Variants in PIK3CA observed in about 807,000 individuals in gnomAD.
The protein encoded by PIK3CA is phosphatidylinositol 4,5-bisphosphate 3-kinase catalytic subunit alpha isoform.
PIK3CA carries 27 observed loss-of-function variants against 138.2 expected under a neutral mutation model. That is an observed-to-expected ratio of 0.20 (90% confidence interval 0.14 to 0.27). The LOEUF is 0.27. Ranked by LOEUF, PIK3CA falls within the 10% of genes least tolerant of loss-of-function variation. The pLI, the probability that PIK3CA is intolerant of heterozygous loss-of-function variation, is 1.00. For missense variants in PIK3CA, 544 were observed against 1,277.4 expected (o/e 0.43, Z 8.75); for synonymous variants, 358 against 413.2 (o/e 0.87, Z 1.62).
intron 9 of PIK3CA, among the ~76,000 whole-genome samples, chr3:179,217,746 T>C (rs1183303261): frequency 5.9e-5 from 9 of 152,094 alleles, no homozygotes; most frequent in African/African-American, 2.4e-5. Flanking sequence ...GTTTTTACTT[T>C]TTAAATTTGA....
Position 179,236,437 on chromosome 3 carries a change from T to C in PIK3CA, c.*2073T>C, listed in dbSNP as rs138275445. The C allele has an allele frequency of 9.8e-5, 21 of 213,772 alleles. No individual in the cohort carries two copies. Among genetic ancestry groups the C allele is most frequent in the African/African-American group, 4.5e-4 (20 of 44,384 alleles). The allele number at this position is 213,772 out of a possible 1,614,324, so 13.2% of individuals were successfully genotyped here. A position where few individuals can be genotyped will look rare whatever the true frequency, so the allele number is the denominator to read the frequency against. ...TGTTTAGATATAGGCAGTTGATACA[T>C]ACTAACATCCCAGCCTTTTCAATAT... is the stretch of plus-strand genomic sequence containing the variant. On this transcript the variant is annotated 3_prime_UTR_variant, in exon 21 of 21. Transcript: ENST00000263967.
At chr3:179,149,243 A>G (rs1722944136) in intron 1 of PIK3CA, among the ~76,000 whole-genome samples, 1 of 151,998 alleles carries the variant, frequency 6.6e-6, no homozygotes, top group Non-Finnish European at 1.5e-5. Context: ...CATAGACCTG[A>G]GACACTGACT....
intron 1 of PIK3CA, among the ~76,000 whole-genome samples, chr3:179,157,557 T>C (rs1165926100): frequency 1.3e-5 from 2 of 152,152 alleles, no homozygotes; most frequent in Non-Finnish European, 2.9e-5. Flanking sequence ...CACAGTTAAA[T>C]GTATCATGCT....
At chr3:179,226,189 A>G in intron 17 of PIK3CA, 149 bp downstream of exon 17, 1 of 350,160 alleles carries the variant, frequency 2.9e-6, no homozygotes, top group Non-Finnish European at 4.8e-6. Flanking sequence ...ACTTTGACAT[A>G]TCCTCCTCTT....
rs1723057645 is a variant in PIK3CA at position 179,153,288 on chromosome 3, T to A, written c.-77+4685T>A. 2.0e-5 allele frequency among the ~76,000 whole-genome samples: 3 copies of A among 152,220 alleles called. No homozygotes were observed. In the South Asian group the frequency reaches 6.2e-4, roughly 32 times the overall value. On this transcript the variant is annotated intron_variant, in intron 1 of 20. Transcript: ENST00000263967. ...TTTTAAAATTTAATATTGTGTTATA[T>A]ATATCACCTTTATTTATTTGGTAAT...
Position 179,228,948 on chromosome 3 carries a change from T to C in PIK3CA, c.2496-324T>C, listed in dbSNP as rs371346092. Among the ~76,000 whole-genome samples, 4 of 152,246 alleles carry C rather than the reference T, an allele frequency of 2.6e-5. No individual in the cohort carries two copies. The East Asian group carries it at 7.7e-4, about 29-fold the overall frequency. Reference sequence around the variant, plus strand: ...CCCTACAGTTTTATTTCGATGTCAATTAAACATCTTTAAATTAACACATAT... The same window carrying C: ...CCCTACAGTTTTATTTCGATGTCAACTAAACATCTTTAAATTAACACATAT... On this transcript the variant is annotated intron_variant, in intron 17 of 20. Coordinates refer to ENST00000263967, the MANE Select transcript of PIK3CA (RefSeq NM_006218.4).
At chr3:179,170,068 GCGCGCGCGCA>G (rs1427508368) in intron 1 of PIK3CA, among the ~76,000 whole-genome samples, 1 of 48,714 alleles carries the variant, frequency 2.1e-5, no homozygotes, top group Non-Finnish European at 4.0e-5. Context: ...GCGTGCACAC[GCGCGCGCGCA>G]CACACACACA....
At chr3:179,154,303 A>T (rs1723080290) in intron 1 of PIK3CA, among the ~76,000 whole-genome samples, 1 of 152,096 alleles carries the variant, frequency 6.6e-6, no homozygotes, top group Non-Finnish European at 1.5e-5. Context: ...CAGCATTACC[A>T]CATGTGCTCT....
chr3:179,205,705 G>T (rs548602627), intron 6 of PIK3CA, among the ~76,000 whole-genome samples: 35 of 152,290 alleles, frequency 2.3e-4, no homozygotes, highest in Non-Finnish European at 4.7e-4. Flanking sequence ...TCCAATAGCT[G>T]ACTATCCTGC....
chr3:179,205,712 C>G (rs896300356), intron 6 of PIK3CA, among the ~76,000 whole-genome samples: 1 of 152,124 alleles, frequency 6.6e-6, no homozygotes, highest in African/African-American at 2.4e-5. Flanking sequence ...GCTGACTATC[C>G]TGCATTTCTT....
chr3:179,186,762 T>C (rs1317338320), intron 1 of PIK3CA, among the ~76,000 whole-genome samples: 1 of 152,200 alleles, frequency 6.6e-6, no homozygotes, highest in Non-Finnish European at 1.5e-5. Flanking sequence ...CTGAAATGTT[T>C]GCTTAGTAGG....
Position 179,178,769 on chromosome 3 carries a change from A to G in PIK3CA, c.-76-19981A>G, listed in dbSNP as rs759066113. On this transcript the variant is annotated intron_variant, in intron 1 of 20. Coordinates refer to ENST00000263967, the MANE Select transcript of PIK3CA (RefSeq NM_006218.4). ...GGAAAAGGTGAATGGGGCAAAATCCAGGGGAGACCAGGTACAAGCTTCCAA... is the reference window on the plus strand; with the variant it reads ...GGAAAAGGTGAATGGGGCAAAATCCGGGGGAGACCAGGTACAAGCTTCCAA... Among the ~76,000 whole-genome samples the G allele has an allele frequency of 2.0e-5, 3 of 152,272 alleles. No homozygotes were observed. In the East Asian group the frequency reaches 5.8e-4, roughly 29 times the overall value.
At chr3:179,233,700 T>C (rs1057135168) in intron 20 of PIK3CA, among the ~76,000 whole-genome samples, 4 of 152,214 alleles carry the variant, frequency 2.6e-5, no homozygotes, top group Non-Finnish European at 5.9e-5. Flanking sequence ...CCTTATGGTA[T>C]CTCATTAGAC....
chr3:179,195,965 G>A (rs946843897), intron 1 of PIK3CA, among the ~76,000 whole-genome samples: 5 of 152,184 alleles, frequency 3.3e-5, no homozygotes, highest in Non-Finnish European at 7.4e-5. Context: ...CTACCAGAAT[G>A]TCAACCAGTG....
At chr3:179,177,401 C>G (rs1723725656) in intron 1 of PIK3CA, among the ~76,000 whole-genome samples, 1 of 150,530 alleles carries the variant, frequency 6.6e-6, no homozygotes, top group South Asian at 2.1e-4. Context: ...CAACCTCCGC[C>G]TCCTCGTTTC....
intron 9 of PIK3CA, among the ~76,000 whole-genome samples, chr3:179,211,246 A>G (rs1156446546): frequency 1.3e-5 from 2 of 152,246 alleles, no homozygotes; most frequent in Admixed American, 1.3e-4. Flanking sequence ...AAATGCAAAC[A>G]TATATAAAGA....
intron 1 of PIK3CA, among the ~76,000 whole-genome samples, chr3:179,180,035 A>G (rs1050972978): frequency 6.6e-6 from 1 of 152,206 alleles, no homozygotes; most frequent in African/African-American, 2.4e-5. Flanking sequence ...GTGTGGGAAA[A>G]ATAAGAGAAG....
chr3:179,178,946 G>A lies in PIK3CA; in HGVS notation c.-76-19804G>A, dbSNP rs551608593. ...GGTCTGATCATACCCTCTGCTCAGC[G>A]CACACCCAAATTCCAGACTCCCAAA... is the stretch of plus-strand genomic sequence containing the variant. On this transcript the variant is annotated intron_variant, in intron 1 of 20. Coordinates refer to ENST00000263967, the MANE Select transcript of PIK3CA (RefSeq NM_006218.4). 5.3e-5 allele frequency among the ~76,000 whole-genome samples: 8 copies of A among 152,222 alleles called. No homozygotes were observed. The South Asian group carries it at 1.7e-3, about 32-fold the overall frequency.
At chr3:179,160,464 C>CA (rs1294554551) in intron 1 of PIK3CA, among the ~76,000 whole-genome samples, 3 of 152,120 alleles carry the variant, frequency 2.0e-5, no homozygotes, top group African/African-American at 2.4e-5. Context: ...CTCTAATACC[C>CA]AGCCTGTAGT....
Sources: gnomAD v4.1 joint callset for allele counts (sites outside exome capture counted in the v4.1 genomes callset) on GRCh38, gnomAD v4.1.1 for gene constraint, MANE v1.5 for transcripts, NCBI Gene and HGNC (gene_info 2026-07-23, HGNC 2026-07-21) for gene names.